The following SIK3 variants were observed in gnomAD, a reference collection of about 807,000 sequenced individuals.
The protein encoded by SIK3 is serine/threonine-protein kinase SIK3.
Under a neutral mutation model 144.2 loss-of-function variants are expected in SIK3, and 28 were observed. The ratio of observed to expected loss-of-function variants is 0.19; its 90% CI spans 0.14 to 0.27. SIK3 has a LOEUF of 0.27. Ranked by LOEUF, SIK3 falls within the 10% of genes least tolerant of loss-of-function variation. The probability of loss-of-function intolerance (pLI) is 1.00; values close to 1 mark genes in which losing one functional copy is unlikely to be tolerated. For synonymous variants in SIK3, 686 were observed against 676.3 expected (o/e 1.01, Z -0.22); for missense variants, 1,319 against 1,776.0 (o/e 0.74, Z 4.62).
chr11:116,885,151 G>C (rs967114656), intron 6 of SIK3, among the ~76,000 whole-genome samples: 2 of 152,144 alleles, frequency 1.3e-5, no homozygotes, highest in African/African-American at 4.8e-5. Flanking sequence ...TCTAAATTCT[G>C]TGAGACACTT....
chr11:116,970,830 AAG>A (rs1246871917), intron 1 of SIK3, among the ~76,000 whole-genome samples: 1 of 151,478 alleles, frequency 6.6e-6, no homozygotes, highest in Non-Finnish European at 1.5e-5. Context: ...AATTTTTTTT[AAG>A]AGAAGGGTCT....
intron 2 of SIK3, among the ~76,000 whole-genome samples, chr11:116,954,892 C>G (rs560070756): frequency 3.3e-5 from 5 of 152,162 alleles, no homozygotes; most frequent in Non-Finnish European, 7.3e-5. Context: ...CTTTCTACAA[C>G]AGTGCTGTCC....
Position 116,854,277 on chromosome 11 carries a change from G to A in SIK3, c.3655+3533C>T, listed in dbSNP as rs1026551133. ...CTCAGGAGGTTGAGGTGGGAGGACT[G>A]CTTGAGCCCAGGAGGTCGAGGCTGC... On this transcript the variant is annotated intron_variant, in intron 21 of 24. Coordinates refer to ENST00000445177, the MANE Select transcript of SIK3 (RefSeq NM_001366686.3). Among the ~76,000 whole-genome samples the A allele has an allele frequency of 2.0e-5, 3 of 152,222 alleles. No homozygotes were observed. In the East Asian group the frequency reaches 5.8e-4, roughly 29 times the overall value.
chr11:116,897,576 G>A (rs1246065886), intron 4 of SIK3, among the ~76,000 whole-genome samples: 1 of 152,164 alleles, frequency 6.6e-6, no homozygotes, highest in African/African-American at 2.4e-5. Context: ...AGAATAAAGC[G>A]AGTGGTACTT....
At chr11:116,906,387 A>C (rs2134890283) in intron 4 of SIK3, among the ~76,000 whole-genome samples, 1 of 152,326 alleles carries the variant, frequency 6.6e-6, no homozygotes, top group East Asian at 1.9e-4. Context: ...AGGTGATCAG[A>C]AATTTAAGTG....
chr11:116,957,079 A>G lies in SIK3; in HGVS notation c.274-15T>C. 2.0e-6 allele frequency: 3 copies of G among 1,491,366 alleles called. No homozygotes were observed. Among genetic ancestry groups the G allele is most frequent in the Non-Finnish European group, 2.7e-6 (3 of 1,097,308 alleles). 92.4% of individuals were successfully genotyped at this position (1,491,366 alleles called of 1,614,324 possible). On this transcript the variant is annotated splice_polypyrimidine_tract_variant and intron_variant, in intron 1 of 24. Transcript: ENST00000445177. ...TTGATAGCAACCTGACAACAGAGGGAAAAAAATTACTCTGATGCATTATTA... is the reference window on the plus strand; with the variant it reads ...TTGATAGCAACCTGACAACAGAGGGGAAAAAATTACTCTGATGCATTATTA...
Position 116,846,701 on chromosome 11 carries a change from A to C in SIK3, c.3953-148T>G. ...GAATTCTAGCTCACAGCAGGCCCTC[A>C]AGGTGTTGAGTGACGATGGGCGGGG... On this transcript the variant is annotated intron_variant, in intron 23 of 24. Coordinates refer to ENST00000445177, the MANE Select transcript of SIK3 (RefSeq NM_001366686.3). This position sits in a 1 kb window ranked among gnomAD's most constrained non-coding sequence, Gnocchi z 4.1. The C allele has an allele frequency of 1.2e-6, 1 of 856,746 alleles. No individual in the cohort carries two copies. Among genetic ancestry groups the C allele is most frequent in the African/African-American group, 1.7e-5 (1 of 59,056 alleles). 53.1% of individuals were successfully genotyped at this position (856,746 alleles called of 1,614,324 possible).
At chr11:117,013,955 A>AT (rs1951402523) in intron 1 of SIK3, among the ~76,000 whole-genome samples, 2 of 9,930 alleles carry the variant, frequency 2.0e-4, no homozygotes, top group African/African-American at 2.8e-4. Context: ...TGTGTGTTTT[A>AT]TTTCTTTTTT....
chr11:116,847,747 C>G lies in SIK3; in HGVS notation c.3820-139G>C, dbSNP rs1037009457. ...ACTCCAGACTCCTTCCTCTAAAGCA[C>G]CACCCAAAGGGGGTGCTCCACAGCG... On this transcript the variant is annotated intron_variant, in intron 22 of 24. Transcript: ENST00000445177. The G allele has an allele frequency of 2.4e-5, 23 of 977,954 alleles. No homozygotes were observed. In the African/African-American group the frequency reaches 3.2e-4, roughly 14 times the overall value. The allele number at this position is 977,954 out of a possible 1,614,324, so 60.6% of individuals were successfully genotyped here. A position where few individuals can be genotyped will look rare whatever the true frequency, so the allele number is the denominator to read the frequency against.
At chr11:117,013,142 C>T (rs1951337972) in intron 1 of SIK3, among the ~76,000 whole-genome samples, 1 of 152,148 alleles carries the variant, frequency 6.6e-6, no homozygotes, top group African/African-American at 2.4e-5. Flanking sequence ...TACCTTCCCC[C>T]TACTCCTACC....
chr11:116,863,071 C>T (rs1943438416), intron 16 of SIK3, among the ~76,000 whole-genome samples: 1 of 138,836 alleles, frequency 7.2e-6, no homozygotes, highest in Non-Finnish European at 1.6e-5. Flanking sequence ...AAGACTTGGT[C>T]TCAAAAAAAA....
chr11:117,003,658 T>G (rs1396398292), intron 1 of SIK3, among the ~76,000 whole-genome samples: 1 of 152,282 alleles, frequency 6.6e-6, no homozygotes, highest in Non-Finnish European at 1.5e-5. Context: ...TTCAATGCCA[T>G]GCCAGGCACA....
chr11:116,946,393 T>G (rs2094477537), intron 3 of SIK3, among the ~76,000 whole-genome samples: 2 of 152,054 alleles, frequency 1.3e-5, no homozygotes, highest in Non-Finnish European at 2.9e-5. Context: ...AGCATGAACA[T>G]CAACATATTT....
intron 4 of SIK3, among the ~76,000 whole-genome samples, chr11:116,901,239 T>A (rs986589048): frequency 3.3e-5 from 5 of 152,192 alleles, no homozygotes; most frequent in Admixed American, 3.3e-4. Flanking sequence ...AGATACCGTT[T>A]TATTTATCCT....
chr11:116,889,079 C>A (rs969318019), intron 6 of SIK3, among the ~76,000 whole-genome samples: 2 of 152,134 alleles, frequency 1.3e-5, no homozygotes, highest in Non-Finnish European at 2.9e-5. Flanking sequence ...GCTCTTTTTG[C>A]AACAGTATGG....
intron 1 of SIK3, among the ~76,000 whole-genome samples, chr11:117,026,479 T>C (rs957191403): frequency 6.6e-6 from 1 of 152,174 alleles, no homozygotes; most frequent in African/African-American, 2.4e-5. Context: ...ATTTTGACCA[T>C]TCTGAGCTGC....
intron 1 of SIK3, among the ~76,000 whole-genome samples, chr11:117,090,414 T>C (rs1955192738): frequency 6.6e-6 from 1 of 151,956 alleles, no homozygotes; most frequent in East Asian, 1.9e-4. Flanking sequence ...GAACCCTTGA[T>C]ATAAATGGTT....
chr11:117,079,003 A>G (rs1246755365), intron 1 of SIK3, among the ~76,000 whole-genome samples: 1 of 149,460 alleles, frequency 6.7e-6, no homozygotes, highest in Admixed American at 6.7e-5. Flanking sequence ...AAAAAAAAAA[A>G]CTCTTTACAC....
At chr11:116,861,817 G>A in intron 18 of SIK3, 24 bp downstream of exon 18, 3 of 1,533,180 alleles carry the variant, frequency 2.0e-6, no homozygotes, top group Non-Finnish European at 2.7e-6. Flanking sequence ...CAATGGCTTA[G>A]GCACAACACA....
Sources: gnomAD v4.1 joint callset for allele counts (sites outside exome capture counted in the v4.1 genomes callset) on GRCh38, gnomAD v4.1.1 for gene constraint, Gnocchi (gnomAD v3.1) non-coding constraint, MANE v1.5 for transcripts, NCBI Gene and HGNC (gene_info 2026-07-23, HGNC 2026-07-21) for gene names.